The following CHCHD6 variants were observed in gnomAD, a reference collection of about 807,000 sequenced individuals.
The protein encoded by CHCHD6 is coiled-coil-helix-coiled-coil-helix domain containing 6, also known as MICOS complex subunit MIC25.
CHCHD6 carries 28 observed loss-of-function variants against 32.3 expected under a neutral mutation model. The ratio of observed to expected loss-of-function variants is 0.87; its 90% CI spans 0.64 to 1.19. The LOEUF (loss-of-function observed/expected upper bound fraction) is 1.19. Ranked by LOEUF, CHCHD6 falls within the 50% of genes most tolerant of loss-of-function variation. The probability of loss-of-function intolerance (pLI) is 0.00; values close to 1 mark genes in which losing one functional copy is unlikely to be tolerated. For synonymous variants in CHCHD6, 122 were observed against 117.5 expected (o/e 1.04, Z -0.25); for missense variants, 333 against 307.0 (o/e 1.08, Z -0.63).
chr3:126,799,500 G>C (rs1485129905), intron 4 of CHCHD6, among the ~76,000 whole-genome samples: 1 of 152,150 alleles, frequency 6.6e-6, no homozygotes, highest in African/African-American at 2.4e-5. Context: ...TCTTTCTTTA[G>C]AAAACAAACA....
At chr3:126,841,051 C>T (rs1237795392) in intron 4 of CHCHD6, among the ~76,000 whole-genome samples, 2 of 151,698 alleles carry the variant, frequency 1.3e-5, no homozygotes, top group Non-Finnish European at 2.9e-5. Context: ...CCACTCCCCT[C>T]ACCCCACAAC....
chr3:126,798,722 G>T lies in CHCHD6; in HGVS notation c.412-53925G>T, dbSNP rs184241595. Among the ~76,000 whole-genome samples the T allele has an allele frequency of 6.1e-3, 932 of 152,280 alleles. 9 individuals carry two copies. The highest frequency in any genetic ancestry group is 0.021 in the African/African-American group (891 of 41,562). ...ACTCTTCTGGTCGGAGAGGACCTTT[G>T]ACAGTCACAGATAGCCAGCTGCCCA... On this transcript the variant is annotated intron_variant, in intron 4 of 7. Coordinates refer to ENST00000290913, the MANE Select transcript of CHCHD6 (RefSeq NM_032343.3).
chr3:126,829,825 C>T (rs1027995000), intron 4 of CHCHD6, among the ~76,000 whole-genome samples: 3 of 152,044 alleles, frequency 2.0e-5, no homozygotes, highest in Admixed American at 6.5e-5. Flanking sequence ...TGGCTGGGTG[C>T]GGTGGCTCAC....
At chr3:126,739,731 AAT>A (rs1482585950) in intron 4 of CHCHD6, among the ~76,000 whole-genome samples, 1 of 152,008 alleles carries the variant, frequency 6.6e-6, no homozygotes, top group Non-Finnish European at 1.5e-5. Flanking sequence ...GCTTTTTTTT[AAT>A]AGTTTCTGTT....
At chr3:126,861,739 A>T (rs1941887231) in intron 5 of CHCHD6, among the ~76,000 whole-genome samples, 1 of 83,412 alleles carries the variant, frequency 1.2e-5, no homozygotes, top group African/African-American at 4.9e-5. Context: ...CTTCACTACC[A>T]TCACCACCTC....
intron 5 of CHCHD6, among the ~76,000 whole-genome samples, chr3:126,880,229 C>T (rs1300560857): frequency 6.6e-6 from 1 of 152,116 alleles, no homozygotes; most frequent in Non-Finnish European, 1.5e-5. Flanking sequence ...GGCGAGTGTA[C>T]AGTCCTCAGT....
intron 4 of CHCHD6, among the ~76,000 whole-genome samples, chr3:126,824,486 G>A (rs548837444): frequency 3.0e-4 from 43 of 142,278 alleles, no homozygotes; most frequent in South Asian, 1.6e-3. Flanking sequence ...GCTTGAACCC[G>A]GGAGGCAGAG....
chr3:126,877,820 G>A (rs1034751333), intron 5 of CHCHD6, among the ~76,000 whole-genome samples: 12 of 152,320 alleles, frequency 7.9e-5, no homozygotes, highest in South Asian at 4.1e-4. Flanking sequence ...TACCATTGGC[G>A]GAAGGTACAT....
chr3:126,919,174 TA>T (rs5852499), intron 6 of CHCHD6, among the ~76,000 whole-genome samples: 95,661 of 152,012 alleles, frequency 0.63, 31,191 homozygotes, highest in East Asian at 0.82. Flanking sequence ...ATTCTGTCAG[TA>T]AGATGTAGTG....
chr3:126,854,673 A>G (rs530924279), intron 5 of CHCHD6, among the ~76,000 whole-genome samples: 56 of 152,264 alleles, frequency 3.7e-4, no homozygotes, highest in African/African-American at 1.3e-3. Context: ...GGACTTCCCA[A>G]TCATCACATC....
At chr3:126,809,367 T>C (rs1159523748) in intron 4 of CHCHD6, among the ~76,000 whole-genome samples, 7 of 152,210 alleles carry the variant, frequency 4.6e-5, no homozygotes, top group Non-Finnish European at 1.0e-4. Flanking sequence ...AGAGTTGTGT[T>C]CTGTCTCCTT....
chr3:126,742,284 C>T lies in CHCHD6; in HGVS notation c.411+9062C>T, dbSNP rs142300105. 5.1e-3 allele frequency among the ~76,000 whole-genome samples: 784 copies of T among 152,248 alleles called. 4 individuals are homozygous for T. Among genetic ancestry groups the T allele is most frequent in the African/African-American group, 0.014 (580 of 41,526 alleles). On this transcript the variant is annotated intron_variant, in intron 4 of 7. Coordinates refer to ENST00000290913, the MANE Select transcript of CHCHD6 (RefSeq NM_032343.3). ...TCATACTGGAGGCATGCAGCAGAAGCGAAAGAAACCTTCTCAAGGGCTTGT... is the reference window on the plus strand; with the variant it reads ...TCATACTGGAGGCATGCAGCAGAAGTGAAAGAAACCTTCTCAAGGGCTTGT...
chr3:126,847,365 CTCAGTG>C (rs1941328212), intron 4 of CHCHD6, among the ~76,000 whole-genome samples: 1 of 152,166 alleles, frequency 6.6e-6, no homozygotes, highest in African/African-American at 2.4e-5. Context: ...AGTGGCCACC[CTCAGTG>C]TCTTACTATG....
intron 6 of CHCHD6, among the ~76,000 whole-genome samples, chr3:126,952,310 C>G (rs1217376720): frequency 2.0e-5 from 3 of 152,080 alleles, no homozygotes; most frequent in South Asian, 2.1e-4. Context: ...TTGGTGCTGC[C>G]GACCCAACTG....
chr3:126,881,204 T>C (rs935954186), intron 5 of CHCHD6, among the ~76,000 whole-genome samples: 1 of 152,232 alleles, frequency 6.6e-6, no homozygotes, highest in East Asian at 1.9e-4. Context: ...CCAGGCTTGC[T>C]CTGTACATTT....
At chr3:126,952,588 G>A (rs974260294) in intron 6 of CHCHD6, among the ~76,000 whole-genome samples, 5 of 152,194 alleles carry the variant, frequency 3.3e-5, no homozygotes, top group Admixed American at 2.0e-4. Context: ...GTGAGGCTCG[G>A]CATGGGGCCC....
At chr3:126,714,076 CAA>C (rs1157910763) in intron 1 of CHCHD6, among the ~76,000 whole-genome samples, 74 of 28,876 alleles carry the variant, frequency 2.6e-3, no homozygotes, top group African/African-American at 6.0e-3. Context: ...GACTGCATCT[CAA>C]AAAAAAAAAA....
intron 4 of CHCHD6, among the ~76,000 whole-genome samples, chr3:126,746,364 T>C (rs936658403): frequency 6.6e-6 from 1 of 152,186 alleles, no homozygotes; most frequent in African/African-American, 2.4e-5. Context: ...CCCTGTTGAT[T>C]GGGTGCCTTC....
chr3:126,900,592 G>A (rs2077909615), intron 5 of CHCHD6, among the ~76,000 whole-genome samples: 1 of 143,918 alleles, frequency 6.9e-6, no homozygotes, highest in African/African-American at 2.6e-5. Flanking sequence ...AGGACGGGAG[G>A]TGTGACACAC....
Sources: allele counts gnomAD v4.1 joint callset (sites outside exome capture counted in the v4.1 genomes callset), GRCh38; gene constraint gnomAD v4.1.1; transcripts MANE v1.5; gene names NCBI Gene and HGNC (gene_info 2026-07-23, HGNC 2026-07-21).